ARHGAP8: variants seen among roughly 807,000 people sequenced by gnomAD.
ARHGAP8 encodes the protein rho GTPase-activating protein 8.
In ARHGAP8, 62 loss-of-function variants were observed where a neutral mutation model predicts 46.1. The observed-to-expected ratio is 1.34, with a 90% CI of 1.10 to 1.66. The LOEUF is 1.66. ARHGAP8 is among the 40% of genes most tolerant of loss of function. The pLI is 0.00. For synonymous variants in ARHGAP8, 375 were observed against 243.1 expected, an observed-to-expected ratio of 1.54 and a Z score of -5.05; for missense variants, 923 against 568.4, an observed-to-expected ratio of 1.62 and a Z score of -6.34.
At chr22:44,755,310 G>C (rs781052861) in intron 1 of ARHGAP8, among the ~76,000 whole-genome samples, 2 of 152,276 alleles carry the variant, frequency 1.3e-5, no homozygotes, top group Non-Finnish European at 2.9e-5. Context: ...TCCCACATGG[G>C]AGCTGGTGTC....
rs112861115 is a variant in ARHGAP8, at chr22:44,800,727, G to A, written c.80-1350G>A. ...CCCGCAGCTGTCCGTGTGAGGGGGTGCCTCTCCCCGCAGCTGTCCGTGTGT... is the reference window on the plus strand; with the variant it reads ...CCCGCAGCTGTCCGTGTGAGGGGGTACCTCTCCCCGCAGCTGTCCGTGTGT... On this transcript the variant is annotated intron_variant, in intron 2 of 11. Coordinates refer to ENST00000356099, the MANE Select transcript of ARHGAP8 (RefSeq NM_181335.3). Among the ~76,000 whole-genome samples, 48 of 13,714 alleles carry A rather than the reference G, an allele frequency of 3.5e-3. 22 individuals are homozygous for A. In the African/African-American group the frequency reaches 0.042, roughly 12 times the overall value. 9.0% of individuals were successfully genotyped at this position (13,714 alleles called of 152,430 possible). A position where few individuals can be genotyped will look rare whatever the true frequency, so the allele number is the denominator to read the frequency against.
intron 1 of ARHGAP8, among the ~76,000 whole-genome samples, chr22:44,757,084 T>G (rs1924742478): frequency 6.6e-6 from 1 of 152,012 alleles, no homozygotes; most frequent in African/African-American, 2.4e-5. Flanking sequence ...GCCTGGTTAA[T>G]TTTTAAATTT....
chr22:44,757,368 C>G (rs1924766540), intron 1 of ARHGAP8, among the ~76,000 whole-genome samples: 1 of 152,044 alleles, frequency 6.6e-6, no homozygotes, highest in Non-Finnish European at 1.5e-5. Flanking sequence ...ACCTCCGCGT[C>G]CCGGGTTCAA....
intron 10 of ARHGAP8, among the ~76,000 whole-genome samples, chr22:44,856,448 AT>A (rs767196608): frequency 2.2e-4 from 33 of 151,588 alleles, no homozygotes; most frequent in Non-Finnish European, 4.1e-4. Context: ...TAATTTTTGT[AT>A]TTTTAGTAGA....
At chr22:44,837,594 G>A (rs62232218) in intron 7 of ARHGAP8, among the ~76,000 whole-genome samples, 76 of 152,266 alleles carry the variant, frequency 5.0e-4, no homozygotes, top group Admixed American at 1.6e-3. Context: ...ACCCAGCCAG[G>A]AAACACAGCA....
chr22:44,826,808 G>GC (rs1454111150), intron 7 of ARHGAP8, among the ~76,000 whole-genome samples: 1 of 152,184 alleles, frequency 6.6e-6, no homozygotes, highest in Non-Finnish European at 1.5e-5. Flanking sequence ...GGGAGGAGGT[G>GC]CATCGGTCAC....
chr22:44,762,887 G>A (rs2146994618), intron 1 of ARHGAP8, among the ~76,000 whole-genome samples: 1 of 152,210 alleles, frequency 6.6e-6, no homozygotes, highest in African/African-American at 2.4e-5. Flanking sequence ...ACTGTAATGA[G>A]GTGACTCAAG....
intron 1 of ARHGAP8, among the ~76,000 whole-genome samples, chr22:44,785,744 T>C (rs1927171459): frequency 6.6e-6 from 1 of 152,140 alleles, no homozygotes; most frequent in Non-Finnish European, 1.5e-5. Context: ...AGAACCCTGA[T>C]TGGTTTTGCA....
intron 2 of ARHGAP8, among the ~76,000 whole-genome samples, chr22:44,791,934 T>G: frequency 6.6e-6 from 1 of 152,118 alleles, no homozygotes; most frequent in African/African-American, 2.4e-5. Flanking sequence ...AACATTCCAA[T>G]GCAGGTGCAT....
chr22:44,795,286 T>G (rs1365246429), intron 2 of ARHGAP8, among the ~76,000 whole-genome samples: 1 of 152,134 alleles, frequency 6.6e-6, no homozygotes, highest in African/African-American at 2.4e-5. Flanking sequence ...GTGTGGGCTC[T>G]GGGCTGGGGT....
At chr22:44,837,336 C>T (rs1931355753) in intron 7 of ARHGAP8, among the ~76,000 whole-genome samples, 1 of 152,216 alleles carries the variant, frequency 6.6e-6, no homozygotes, top group Non-Finnish European at 1.5e-5. Flanking sequence ...CCGATGCCCT[C>T]CAGTGGGTGG....
chr22:44,785,344 T>C (rs1352444381), intron 1 of ARHGAP8, among the ~76,000 whole-genome samples: 1 of 152,202 alleles, frequency 6.6e-6, no homozygotes, highest in Non-Finnish European at 1.5e-5. Flanking sequence ...GTCTCAGTTC[T>C]GGAGGCCACC....
At chr22:44,824,345 G>A (rs368243299) in intron 6 of ARHGAP8, among the ~76,000 whole-genome samples, 6 of 152,332 alleles carry the variant, frequency 3.9e-5, no homozygotes, top group Non-Finnish European at 5.9e-5. Context: ...ACAACCGCAC[G>A]TGGTAGCAGC....
intron 1 of ARHGAP8, among the ~76,000 whole-genome samples, chr22:44,766,828 G>A (rs1011513246): frequency 1.3e-5 from 2 of 151,418 alleles, no homozygotes; most frequent in African/African-American, 2.4e-5. Context: ...AAAACTCCTG[G>A]CCAAGGCCAC....
rs1036392504 is a variant in ARHGAP8 at position 44,825,526 on chromosome 22, C to T, written c.529C>T (p.Pro177Ser). ...GAGCCTGCACGAGGGCCGGACGCCGCCTCCCACCAAGACACCACCGCCGCG... is the reference window on the plus strand; with the variant it reads ...GAGCCTGCACGAGGGCCGGACGCCGTCTCCCACCAAGACACCACCGCCGCG... ...LQSLHEGRTPPPTKTPPPRPP... is the reference protein window; with the variant it reads ...LQSLHEGRTPSPTKTPPPRPP... Residue 177 changes from proline to serine, a missense_variant, in exon 7 of 12, where the codon CCT (proline) becomes TCT (serine). Transcript: ENST00000356099. 1 of 1,613,396 alleles carries T rather than the reference C, an allele frequency of 6.2e-7. No homozygotes were observed. The highest frequency in any genetic ancestry group is 1.3e-5 in the African/African-American group (1 of 74,976).
chr22:44,860,778 C>G (rs956146204), intron 11 of ARHGAP8, among the ~76,000 whole-genome samples: 2 of 152,124 alleles, frequency 1.3e-5, no homozygotes, highest in Non-Finnish European at 2.9e-5. Flanking sequence ...TTCAACACAT[C>G]CACGTGGGTC....
At chr22:44,790,540 G>A (rs1447937481) in intron 2 of ARHGAP8, among the ~76,000 whole-genome samples, 2 of 151,696 alleles carry the variant, frequency 1.3e-5, no homozygotes, top group African/African-American at 4.8e-5. Flanking sequence ...GCCAGGTGTG[G>A]TGGCACATAT....
intron 11 of ARHGAP8, among the ~76,000 whole-genome samples, chr22:44,861,464 G>A (rs923170584): frequency 1.7e-5 from 2 of 118,068 alleles, no homozygotes; most frequent in African/African-American, 3.1e-5. Context: ...TGGGGGACCG[G>A]CAGCCAGGGG....
chr22:44,856,069 C>A (rs896823457), intron 10 of ARHGAP8, among the ~76,000 whole-genome samples: 1 of 152,014 alleles, frequency 6.6e-6, no homozygotes, highest in East Asian at 1.9e-4. Flanking sequence ...CACTCACTCT[C>A]ATGAGAACAG....
Sources: allele counts gnomAD v4.1 joint callset (sites outside exome capture counted in the v4.1 genomes callset), GRCh38; gene constraint gnomAD v4.1.1; transcripts MANE v1.5; gene names NCBI Gene and HGNC (gene_info 2026-07-23, HGNC 2026-07-21).